GALNT14: variants seen among roughly 807,000 people sequenced by gnomAD.
GALNT14 encodes the protein polypeptide N-acetylgalactosaminyltransferase 14, also known as UDP-GalNAc:polypeptide N-acetylgalactosaminyltransferase 14.
In GALNT14, 60 loss-of-function variants were observed where a neutral mutation model predicts 77.5. The observed-to-expected ratio is 0.77, with a 90% CI of 0.63 to 0.96. GALNT14 has a LOEUF of 0.96. GALNT14 is among the 40% of genes least tolerant of loss of function. The pLI is 0.00. For synonymous variants in GALNT14, 280 were observed against 281.7 expected, an observed-to-expected ratio of 0.99 and a Z score of 0.06; for missense variants, 710 against 731.0, an observed-to-expected ratio of 0.97 and a Z score of 0.33.
intron 10 of GALNT14, among the ~76,000 whole-genome samples, chr2:30,931,205 G>C (rs543672872): frequency 4.3e-4 from 66 of 152,250 alleles, no homozygotes; most frequent in African/African-American, 1.6e-3. Flanking sequence ...GTCTCCTCAG[G>C]ACAGCTGTGT....
chr2:30,951,263 G>C (rs1318383685), intron 6 of GALNT14, among the ~76,000 whole-genome samples: 3 of 152,200 alleles, frequency 2.0e-5, no homozygotes, highest in East Asian at 3.8e-4. Flanking sequence ...ATTCATACTT[G>C]AAACAGTATG....
intron 3 of GALNT14, among the ~76,000 whole-genome samples, chr2:30,964,956 G>A (rs1387338549): frequency 6.6e-6 from 1 of 152,132 alleles, no homozygotes; most frequent in African/African-American, 2.4e-5. Flanking sequence ...TGTTTCGTGT[G>A]CTCTCTGACC....
chr2:30,924,648 C>A, intron 12 of GALNT14, 92 bp downstream of exon 12: 1 of 1,026,144 alleles, frequency 9.7e-7, no homozygotes, highest in Non-Finnish European at 1.5e-6. Flanking sequence ...AAGCCCTCAT[C>A]CAGTTGGTCA....
chr2:30,956,009 G>A (rs557470568), intron 4 of GALNT14, 32 bp from the exon 5 acceptor site: 44 of 1,608,838 alleles, frequency 2.7e-5, no homozygotes, highest in South Asian at 3.3e-5. Context: ...CCAATTGAGC[G>A]CCCAGGGATG....
rs560825554 is a variant in GALNT14, at chr2:30,967,249, T to C, written c.300-947A>G. Among the ~76,000 whole-genome samples, 34 of 152,318 alleles carry C rather than the reference T, an allele frequency of 2.2e-4. 1 individual carries two copies. The South Asian group carries it at 6.8e-3, about 31-fold the overall frequency. On this transcript the variant is annotated intron_variant, in intron 2 of 14. Transcript: ENST00000349752. ...GGACACGTGAGCCCTCTGAAATTGTTTGCAAACTGTGTGTATAAATGTGCA... is the reference window on the plus strand; with the variant it reads ...GGACACGTGAGCCCTCTGAAATTGTCTGCAAACTGTGTGTATAAATGTGCA...
At chr2:30,974,499 C>T (rs1392820347) in intron 2 of GALNT14, among the ~76,000 whole-genome samples, 1 of 152,240 alleles carries the variant, frequency 6.6e-6, no homozygotes, top group Non-Finnish European at 1.5e-5. Flanking sequence ...GACTCCTGCC[C>T]TCTGCACTCT....
chr2:31,137,590 G>A (rs1679281708), intron 1 of GALNT14, among the ~76,000 whole-genome samples: 1 of 151,996 alleles, frequency 6.6e-6, no homozygotes, highest in Non-Finnish European at 1.5e-5. Context: ...CCCGGGCGCT[G>A]GCCCGACCCG....
intron 6 of GALNT14, among the ~76,000 whole-genome samples, chr2:30,948,980 G>C (rs116607358): frequency 3.5e-4 from 54 of 152,320 alleles, no homozygotes; most frequent in Admixed American, 7.2e-4. Flanking sequence ...CCTCCTGTAA[G>C]CTCTGAGGGG....
chr2:31,036,421 C>T (rs1407297787), intron 1 of GALNT14, among the ~76,000 whole-genome samples: 4 of 152,188 alleles, frequency 2.6e-5, no homozygotes, highest in African/African-American at 7.2e-5. Context: ...CCCTCCTCCC[C>T]ACTTTGTGTA....
At chr2:30,985,519 C>T (rs1489875254) in intron 2 of GALNT14, among the ~76,000 whole-genome samples, 1 of 152,164 alleles carries the variant, frequency 6.6e-6, no homozygotes, top group South Asian at 2.1e-4. Context: ...TGTGGCCGTT[C>T]CTCCCCTCTT....
chr2:31,047,970 A>T (rs947984006), intron 1 of GALNT14, among the ~76,000 whole-genome samples: 1 of 152,204 alleles, frequency 6.6e-6, no homozygotes, highest in African/African-American at 2.4e-5. Context: ...GCCTGTCCTC[A>T]ACAGCATCGG....
chr2:31,067,109 A>C, intron 1 of GALNT14, among the ~76,000 whole-genome samples: 1 of 152,006 alleles, frequency 6.6e-6, no homozygotes, highest in Non-Finnish European at 1.5e-5. Flanking sequence ...CTGCCCTGCC[A>C]TTACCTCCCG....
intron 1 of GALNT14, among the ~76,000 whole-genome samples, chr2:31,091,668 A>T (rs1175165336): frequency 1.3e-5 from 2 of 152,222 alleles, no homozygotes; most frequent in African/African-American, 2.4e-5. Flanking sequence ...GCACCAGCAG[A>T]TTCAGTGTGT....
chr2:31,044,986 G>C (rs1454947190), intron 1 of GALNT14, among the ~76,000 whole-genome samples: 1 of 152,094 alleles, frequency 6.6e-6, no homozygotes, highest in Non-Finnish European at 1.5e-5. Flanking sequence ...ACGTTCACAG[G>C]AAAGCACTGT....
rs199816659 is a variant in GALNT14, at chr2:31,023,531, GA to G, written c.130-30525del. ...ATCCCCTTTCTCAGCTTCCCTTACA[GA>G]AAGGGAATTCTGTTTGCACTTTCTT... On this transcript the variant is annotated intron_variant, in intron 1 of 14. Coordinates refer to ENST00000349752, the MANE Select transcript of GALNT14 (RefSeq NM_024572.4). 6.3e-3 allele frequency among the ~76,000 whole-genome samples: 956 copies of G among 152,154 alleles called. 6 individuals are homozygous for G. The highest frequency in any genetic ancestry group is 0.017 in the African/African-American group (719 of 41,516).
chr2:31,005,665 G>A (rs2148429613), intron 1 of GALNT14, among the ~76,000 whole-genome samples: 1 of 152,216 alleles, frequency 6.6e-6, no homozygotes, highest in East Asian at 1.9e-4. Flanking sequence ...CAGAAATGGG[G>A]TCTCTGACAG....
chr2:30,938,384 A>ACACACACACACT (rs1174119035), intron 9 of GALNT14, among the ~76,000 whole-genome samples: 39 of 141,784 alleles, frequency 2.8e-4, no homozygotes, highest in East Asian at 1.6e-3. Context: ...ACACACACAC[A>ACACACACACACT]CTCTCTCTCT....
chr2:31,078,986 G>C (rs1295039007), intron 1 of GALNT14: 5 of 1,289,266 alleles, frequency 3.9e-6, no homozygotes, highest in Non-Finnish European at 4.0e-6. Context: ...AGGGAGAGCA[G>C]GGGAGCTACA....
chr2:30,947,263 A>G (rs1348998633), intron 6 of GALNT14, among the ~76,000 whole-genome samples: 1 of 152,088 alleles, frequency 6.6e-6, no homozygotes. Flanking sequence ...GCTGCTAAAA[A>G]CTTTAACTGC....
Sources: allele counts gnomAD v4.1 joint callset (sites outside exome capture counted in the v4.1 genomes callset), GRCh38; gene constraint gnomAD v4.1.1; transcripts MANE v1.5; gene names NCBI Gene and HGNC (gene_info 2026-07-23, HGNC 2026-07-21).